Variants in ZNF84 observed in about 807,000 individuals in gnomAD.
ZNF84 encodes the protein zinc finger protein HPF2.
A neutral mutation model predicts 14.8 loss-of-function variants in ZNF84; 12 were observed. The ratio of observed to expected loss-of-function variants is 0.81; its 90% CI spans 0.52 to 1.31. The LOEUF (loss-of-function observed/expected upper bound fraction) is 1.31. Ranked by LOEUF, ZNF84 falls within the 50% of genes most tolerant of loss-of-function variation. ZNF84 has a pLI of 0.00. For missense variants in ZNF84, 859 were observed against 878.6 expected (o/e 0.98, Z 0.28); for synonymous variants, 347 against 291.1 (o/e 1.19, Z -1.96).
At chr12:133,047,926 T>A (rs1477745717) in intron 2 of ZNF84, 29 bp from the exon 3 acceptor site, 2 of 1,612,550 alleles carry the variant, frequency 1.2e-6, no homozygotes, top group African/African-American at 1.3e-5. Context: ...GTTAACTGCT[T>A]CAGATTTACC....
intron 3 of ZNF84, chr12:133,048,365 C>T (rs956724270): frequency 3.2e-5 from 10 of 313,392 alleles, no homozygotes; most frequent in Non-Finnish European, 4.8e-5. Flanking sequence ...CTATATGCCA[C>T]ATCTTATACC....
rs1024945193 is a variant in ZNF84, at chr12:133,041,354, C to T, written c.-114C>T. 2.4e-5 allele frequency: 24 copies of T among 980,630 alleles called. No homozygotes were observed. Among genetic ancestry groups the T allele is most frequent in the Non-Finnish European group, 1.4e-5 (9 of 624,820 alleles). 60.7% of individuals were successfully genotyped at this position (980,630 alleles called of 1,614,324 possible). Reference sequence around the variant, plus strand: ...GAGTTCCTGGAACCAGGAATTCATTCTCAGTGTAGAAGACCTAGCTGAGAC... The same window carrying T: ...GAGTTCCTGGAACCAGGAATTCATTTTCAGTGTAGAAGACCTAGCTGAGAC... On this transcript the variant is annotated 5_prime_UTR_variant, in exon 2 of 5. Transcript: ENST00000539354.
rs1425395991 is a variant in ZNF84 at position 133,058,465 on chromosome 12, TCA to T, written c.1753_1754del (p.Gln585AlafsTer15). 6.2e-7 allele frequency: 1 copy of T among 1,613,982 alleles called. No homozygotes were observed. Among genetic ancestry groups the T allele is most frequent in the Non-Finnish European group, 8.5e-7 (1 of 1,180,014 alleles). ...RDCEKAFSQK[S>X]QLNTHQRIHT... Reference sequence around the variant, plus strand: ...CTGTGAAAAAGCTTTCTCCCAGAAATCACAGCTAAATACCCATCAGAGAATTC... The same window carrying T: ...CTGTGAAAAAGCTTTCTCCCAGAAATCAGCTAAATACCCATCAGAGAATTC... On this transcript the variant is annotated frameshift_variant, in exon 5 of 5. Coordinates refer to ENST00000539354, the MANE Select transcript of ZNF84 (RefSeq NM_001289971.2). LOFTEE classifies it low-confidence loss of function (END_TRUNC).
chr12:133,050,688 T>C (rs754624382), intron 4 of ZNF84: 22 of 396,336 alleles, frequency 5.6e-5, no homozygotes, highest in Non-Finnish European at 8.4e-5. Flanking sequence ...ATCCTTTCCA[T>C]AGGAACTTGA....
Position 133,057,202 on chromosome 12 carries a change from A to G in ZNF84, c.487A>G (p.Asn163Asp), listed in dbSNP as rs1444429494. 3 of 1,612,988 alleles carry G rather than the reference A, an allele frequency of 1.9e-6. No individual in the cohort carries two copies. The South Asian group carries it at 3.3e-5, about 18-fold the overall frequency. Residue 163 changes from asparagine (N) to aspartate (D), a missense_variant, in exon 5 of 5, where the codon AAT becomes GAT. Physicochemically the swap from Asn to Asp is conservative, Grantham distance 23. Transcript: ENST00000539354. Reference sequence around the variant, plus strand: ...ATCAGATGACTTTAATGTGTTTGATAATTTTTTTCTCCATTCCAAGCCTGA... The same window carrying G: ...ATCAGATGACTTTAATGTGTTTGATGATTTTTTTCTCCATTCCAAGCCTGA... Reference protein sequence around the residue: ...AESDDFNVFDNFFLHSKPEDT... With the variant: ...AESDDFNVFDDFFLHSKPEDT...
chr12:133,047,837 G>A, intron 2 of ZNF84, 118 bp from the exon 3 acceptor site: 1 of 1,117,794 alleles, frequency 8.9e-7, no homozygotes, highest in Non-Finnish European at 1.3e-6. Flanking sequence ...CAAAGGTAGA[G>A]ACATAGTAGG....
At chr12:133,053,604 A>G (rs1270304449) in intron 4 of ZNF84, among the ~76,000 whole-genome samples, 4 of 152,172 alleles carry the variant, frequency 2.6e-5, no homozygotes, top group Non-Finnish European at 5.9e-5. Context: ...TATCTTGAGC[A>G]TGGTGGCACG....
In ZNF84 at chr12:133,057,031, G is replaced by A; in HGVS notation, c.316G>A (p.Glu106Lys). 1 of 1,612,232 alleles carries A rather than the reference G, an allele frequency of 6.2e-7. No individual in the cohort carries two copies. The highest frequency in any genetic ancestry group is 1.1e-5 in the South Asian group (1 of 90,332). Residue 106 changes from glutamate to lysine, a missense_variant, in exon 5 of 5, where the codon GAA becomes AAA. Transcript: ENST00000539354. ...GCTTAAAATTATAAAAAGAGGTCAT[G>A]AATGTGATGCATTTGGAAAAAATTT... ...DKLKIIKRGHECDAFGKNFNL... is the reference protein window; with the variant it reads ...DKLKIIKRGHKCDAFGKNFNL...
intron 4 of ZNF84, among the ~76,000 whole-genome samples, chr12:133,056,263 TA>T (rs1954156517): frequency 6.6e-6 from 1 of 152,148 alleles, no homozygotes; most frequent in Non-Finnish European, 1.5e-5. Flanking sequence ...TTTTTATTTT[TA>T]TTTTTTTGAG....
intron 2 of ZNF84, among the ~76,000 whole-genome samples, chr12:133,045,344 G>C (rs888104179): frequency 2.6e-5 from 4 of 152,164 alleles, no homozygotes; most frequent in Admixed American, 2.6e-4. Flanking sequence ...AGTGGCAGGT[G>C]CCTGTAATCC....
intron 2 of ZNF84, among the ~76,000 whole-genome samples, chr12:133,047,432 C>T (rs1290384841): frequency 5.9e-5 from 9 of 152,186 alleles, no homozygotes; most frequent in African/African-American, 2.2e-4. Context: ...GCCTGTCCAG[C>T]TTTGGACTGG....
chr12:133,057,670 T>A lies in ZNF84; in HGVS notation c.955T>A (p.Tyr319Asn). ...GAGAACACACACAGGAGAGAAACCCTATGGATGCAATGAATGTGGGAGGGC... is the reference window on the plus strand; with the variant it reads ...GAGAACACACACAGGAGAGAAACCCAATGGATGCAATGAATGTGGGAGGGC... ...HWRTHTGEKP[Y>N]GCNECGRAFS... Residue 319 changes from tyrosine (Y) to asparagine (N), a missense_variant, in exon 5 of 5, where the codon TAT becomes AAT. Coordinates refer to ENST00000539354, the MANE Select transcript of ZNF84 (RefSeq NM_001289971.2). The A allele has an allele frequency of 1.2e-6, 2 of 1,613,936 alleles. No homozygotes were observed. The highest frequency in any genetic ancestry group is 1.7e-6 in the Non-Finnish European group (2 of 1,179,990).
rs1295553823 is a variant in ZNF84, at chr12:133,058,412, C to A, written c.1697C>A (p.Thr566Asn). Residue 566 changes from threonine (T) to asparagine (N), a missense_variant, in exon 5 of 5, where the codon ACT (threonine) becomes AAT (asparagine). Transcript: ENST00000539354. ...SSLATHQRTH[T>N]GEKPYECRDC... ...CTTGCAACTCATCAGAGAACTCATA[C>A]TGGAGAAAAACCGTATGAATGCAGG... 1 of 1,614,040 alleles carries A rather than the reference C, an allele frequency of 6.2e-7. No individual in the cohort carries two copies. The highest frequency in any genetic ancestry group is 2.2e-5 in the East Asian group (1 of 44,856).
In ZNF84 at chr12:133,057,776, A is replaced by G. The variant is rs1954186967; in HGVS notation, c.1061A>G (p.Lys354Arg). Residue 354 changes from lysine to arginine, a missense_variant, in exon 5 of 5, where the codon AAA becomes AGA. Lys to Arg is a conservative substitution (Grantham distance 26). Transcript: ENST00000539354. The stretch of plus-strand genomic sequence containing the variant: ...CCTTTTGAATGCAGGGAATGTGGGA[A>G]AGCCTTCAGCAGGAAGTCACAACTC... ...EKPFECRECG[K>R]AFSRKSQLVT... is the part of the protein sequence containing the mutation. 6.2e-7 allele frequency: 1 copy of G among 1,614,232 alleles called. No homozygotes were observed. The highest frequency in any genetic ancestry group is 8.5e-7 in the Non-Finnish European group (1 of 1,180,042).
Position 133,058,926 on chromosome 12 carries a change from A to G in ZNF84, c.2211A>G (p.Lys737=). 1.3e-6 allele frequency: 2 copies of G among 1,594,856 alleles called. No homozygotes were observed. The highest frequency in any genetic ancestry group is 1.7e-6 in the Non-Finnish European group (2 of 1,172,366). The stretch of plus-strand genomic sequence containing the variant: ...ATCAGAGAACTCATACAGTAAAAAA[A>G]TCCTAGGAATACAGTTAATAGTAGT... ...INHQRTHTVK[K]S The change falls in exon 5 of 5, where the codon AAA becomes AAG. Residue 737 remains lysine (K), a synonymous_variant. Transcript: ENST00000539354.
rs1954232862 is a variant in ZNF84, at chr12:133,060,077, T to C, written c.*1145T>C. The C allele has an allele frequency of 6.6e-6, 1 of 152,224 alleles. No homozygotes were observed. The allele number at this position is 152,224 out of a possible 1,614,324, so 9.4% of individuals were successfully genotyped here. ...CAAACTAAATGAAATAAAGTAGTGC[T>C]GTATTAAATCTTTTTCTCATTTAGT... On this transcript the variant is annotated 3_prime_UTR_variant, in exon 5 of 5. Transcript: ENST00000539354.
At chr12:133,043,406 C>A (rs1953920040) in intron 2 of ZNF84, among the ~76,000 whole-genome samples, 1 of 152,220 alleles carries the variant, frequency 6.6e-6, no homozygotes, top group Admixed American at 6.5e-5. Context: ...CTCAGGCAAT[C>A]CGCCTGCCTT....
chr12:133,041,465 A>C lies in ZNF84; in HGVS notation c.-3A>C. ...TGCTGATCATCTCGTACAGCAGCAG[A>C]AAATGACCATGTTACAGGTGAGTTG... On this transcript the variant is annotated 5_prime_UTR_variant, in exon 2 of 5. Coordinates refer to ENST00000539354, the MANE Select transcript of ZNF84 (RefSeq NM_001289971.2). 1.2e-6 allele frequency: 2 copies of C among 1,614,168 alleles called. No individual in the cohort carries two copies. The highest frequency in any genetic ancestry group is 1.7e-6 in the Non-Finnish European group (2 of 1,179,990).
intron 2 of ZNF84, chr12:133,047,699 A>G (rs891510471): frequency 3.3e-6 from 1 of 302,150 alleles, no homozygotes; most frequent in Non-Finnish European, 6.5e-6. Context: ...CTGTCTTCTC[A>G]TGGCAGTACT....
Sources: allele counts gnomAD v4.1 joint callset (sites outside exome capture counted in the v4.1 genomes callset), GRCh38; gene constraint gnomAD v4.1.1; transcripts MANE v1.5; gene names NCBI Gene and HGNC (gene_info 2026-07-23, HGNC 2026-07-21).